NAALADL2: variants seen among roughly 807,000 people sequenced by gnomAD.
The protein encoded by NAALADL2 is inactive N-acetylated-alpha-linked acidic dipeptidase-like protein 2.
A neutral mutation model predicts 87.2 loss-of-function variants in NAALADL2; 76 were observed. The ratio of observed to expected loss-of-function variants is 0.87; its 90% CI spans 0.72 to 1.05. The LOEUF (loss-of-function observed/expected upper bound fraction) is 1.05, where lower values mean the gene tolerates loss of function less well. NAALADL2 is among the 50% of genes least tolerant of loss of function. The probability of loss-of-function intolerance (pLI) is 0.00; values close to 1 mark genes in which losing one functional copy is unlikely to be tolerated. For missense variants in NAALADL2, 1,089 were observed against 945.8 expected (o/e 1.15, Z -1.99); for synonymous variants, 354 against 331.0 (o/e 1.07, Z -0.75).
chr3:174,918,246 A>C (rs1160730515), intron 1 of NAALADL2, among the ~76,000 whole-genome samples: 1 of 152,138 alleles, frequency 6.6e-6, no homozygotes, highest in Non-Finnish European at 1.5e-5. Context: ...CAGAAACAAA[A>C]TAACACACTA....
At chr3:175,618,815 T>C (rs900649882) in intron 10 of NAALADL2, among the ~76,000 whole-genome samples, 1 of 152,184 alleles carries the variant, frequency 6.6e-6, no homozygotes, top group African/African-American at 2.4e-5. Context: ...ATAGTCACAC[T>C]TACCTACACC....
intron 5 of NAALADL2, among the ~76,000 whole-genome samples, chr3:175,396,520 G>A (rs982994940): frequency 1.3e-5 from 2 of 148,930 alleles, no homozygotes; most frequent in African/African-American, 4.9e-5. Context: ...GTAGATTGAA[G>A]CACACATAAC....
chr3:175,431,211 A>G (rs1477515986), intron 5 of NAALADL2, among the ~76,000 whole-genome samples: 2 of 152,050 alleles, frequency 1.3e-5, no homozygotes, highest in Admixed American at 6.6e-5. Flanking sequence ...AGCCTGTCCT[A>G]TGATCTGTTT....
intron 1 of NAALADL2, among the ~76,000 whole-genome samples, chr3:174,974,906 GT>G (rs1238765948): frequency 6.6e-6 from 1 of 152,000 alleles, no homozygotes; most frequent in East Asian, 1.9e-4. Context: ...AGGGATGATA[GT>G]TTTTTGCTTT....
At chr3:175,557,779 G>A (rs894041790) in intron 9 of NAALADL2, among the ~76,000 whole-genome samples, 4 of 152,004 alleles carry the variant, frequency 2.6e-5, no homozygotes, top group South Asian at 2.1e-4. Flanking sequence ...TTGGATAACC[G>A]CCATTTTACC....
At chr3:175,428,490 A>C (rs1717199266) in intron 5 of NAALADL2, among the ~76,000 whole-genome samples, 1 of 152,068 alleles carries the variant, frequency 6.6e-6, no homozygotes, top group African/African-American at 2.4e-5. Context: ...TTGGAGGATG[A>C]GGTTGAGAAG....
intron 1 of NAALADL2, among the ~76,000 whole-genome samples, chr3:174,882,087 C>G (rs1262995882): frequency 2.6e-5 from 4 of 152,042 alleles, no homozygotes; most frequent in Admixed American, 2.6e-4. Context: ...AAACTTCTTT[C>G]TTGTATTTAA....
intron 3 of NAALADL2, among the ~76,000 whole-genome samples, chr3:175,250,245 C>T (rs1231568824): frequency 2.5e-5 from 3 of 118,476 alleles, no homozygotes; most frequent in Non-Finnish European, 5.2e-5. Context: ...CTTTTTCTCT[C>T]ACTTTTTCTG....
intron 2 of NAALADL2, among the ~76,000 whole-genome samples, chr3:174,618,222 A>G (rs554064408): frequency 1.3e-5 from 2 of 151,846 alleles, no homozygotes; most frequent in East Asian, 3.9e-4. Flanking sequence ...CTGTGCTTTC[A>G]TTACCTATTT....
At chr3:175,534,037 T>C (rs4642136) in intron 9 of NAALADL2, among the ~76,000 whole-genome samples, 1 of 149,706 alleles carries the variant, frequency 6.7e-6, no homozygotes, top group Non-Finnish European at 1.5e-5. Flanking sequence ...ATTTATTTAT[T>C]ATAAATAAAT....
intron 1 of NAALADL2, among the ~76,000 whole-genome samples, chr3:174,986,611 T>G (rs1745914472): frequency 6.6e-6 from 1 of 152,140 alleles, no homozygotes; most frequent in Admixed American, 6.6e-5. Context: ...TTAATTAATA[T>G]GGACAATCAA....
At chr3:175,177,761 ACT>A (rs1735892797) in intron 2 of NAALADL2, among the ~76,000 whole-genome samples, 1 of 151,942 alleles carries the variant, frequency 6.6e-6, no homozygotes, top group African/African-American at 2.4e-5. Flanking sequence ...CCTTGCAACT[ACT>A]CTGTCCTCAT....
intron 1 of NAALADL2, among the ~76,000 whole-genome samples, chr3:175,010,496 AG>A (rs1421111005): frequency 3.3e-5 from 5 of 152,162 alleles, no homozygotes; most frequent in Non-Finnish European, 7.4e-5. Flanking sequence ...TTGTTTTGGC[AG>A]CAAAATTATC....
chr3:174,625,107 A>G (rs984447068), intron 2 of NAALADL2, among the ~76,000 whole-genome samples: 8 of 125,244 alleles, frequency 6.4e-5, no homozygotes, highest in African/African-American at 1.2e-4. Flanking sequence ...CACCTGGGCT[A>G]GAGGGCAGTG....
intron 2 of NAALADL2, among the ~76,000 whole-genome samples, chr3:174,715,688 G>A (rs1023040958): frequency 6.6e-6 from 1 of 152,096 alleles, no homozygotes; most frequent in Non-Finnish European, 1.5e-5. Flanking sequence ...TTCTTGCATT[G>A]TGTTGTTTGG....
chr3:175,203,354 T>G (rs1383441072), intron 2 of NAALADL2, among the ~76,000 whole-genome samples: 2 of 152,142 alleles, frequency 1.3e-5, no homozygotes, highest in South Asian at 4.1e-4. Flanking sequence ...CTCAGCTCTC[T>G]AAACTGACTC....
chr3:174,734,419 C>A (rs1245247345), intron 2 of NAALADL2, among the ~76,000 whole-genome samples: 1 of 152,140 alleles, frequency 6.6e-6, no homozygotes, highest in Non-Finnish European at 1.5e-5. Flanking sequence ...AATTTATTTT[C>A]ACCAGTTCTG....
chr3:175,366,371 C>T (rs947883124), intron 5 of NAALADL2, among the ~76,000 whole-genome samples: 1 of 151,808 alleles, frequency 6.6e-6, no homozygotes, highest in Non-Finnish European at 1.5e-5. Flanking sequence ...TGGGTATATA[C>T]CCAGTAATGG....
intron 10 of NAALADL2, among the ~76,000 whole-genome samples, chr3:175,602,792 A>T (rs1240655663): frequency 6.6e-6 from 1 of 152,210 alleles, no homozygotes; most frequent in Admixed American, 6.5e-5. Context: ...AAGAGCTTTA[A>T]ATTCCATATG....
Sources: gnomAD v4.1 joint callset for allele counts (sites outside exome capture counted in the v4.1 genomes callset) on GRCh38, gnomAD v4.1.1 for gene constraint, MANE v1.5 for transcripts, NCBI Gene and HGNC (gene_info 2026-07-23, HGNC 2026-07-21) for gene names.